GPC5: variants seen among roughly 807,000 people sequenced by gnomAD.
GPC5 encodes the protein glypican 5.
A neutral mutation model predicts 53.9 loss-of-function variants in GPC5; 47 were observed. The observed-to-expected ratio is 0.87, with a 90% confidence interval of 0.69 to 1.11. The LOEUF (loss-of-function observed/expected upper bound fraction) is 1.11. Among genes scored for constraint, GPC5 ranks in the 50% most tolerant of loss-of-function variants. GPC5 has a pLI of 0.00. For synonymous variants in GPC5, 286 were observed against 263.3 expected, an observed-to-expected ratio of 1.09 and a Z score of -0.84; for missense variants, 748 against 713.1, an observed-to-expected ratio of 1.05 and a Z score of -0.56.
intron 5 of GPC5, among the ~76,000 whole-genome samples, chr13:91,810,285 A>C (rs1229881114): frequency 3.3e-5 from 5 of 151,910 alleles, no homozygotes; most frequent in Admixed American, 6.6e-5. Flanking sequence ...TTCTTATTGG[A>C]TAATTATGTA....
At chr13:91,674,943 C>T (rs1215537039) in intron 2 of GPC5, among the ~76,000 whole-genome samples, 1 of 151,852 alleles carries the variant, frequency 6.6e-6, no homozygotes, top group East Asian at 1.9e-4. Context: ...CTTTTTAATG[C>T]AGAAAAATTT....
At chr13:92,237,770 T>C (rs2042580982) in intron 7 of GPC5, among the ~76,000 whole-genome samples, 1 of 152,126 alleles carries the variant, frequency 6.6e-6, no homozygotes, top group African/African-American at 2.4e-5. Context: ...CAATAAATTT[T>C]AGAACATTTT....
intron 2 of GPC5, among the ~76,000 whole-genome samples, chr13:91,660,811 C>T (rs2034970549): frequency 1.3e-5 from 2 of 152,132 alleles, no homozygotes; most frequent in Admixed American, 6.6e-5. Context: ...ACTACTCCTT[C>T]TTAAACCTTC....
chr13:92,380,760 G>A (rs2043732306), intron 7 of GPC5, among the ~76,000 whole-genome samples: 1 of 128,228 alleles, frequency 7.8e-6, no homozygotes, highest in Non-Finnish European at 1.6e-5. Context: ...GACTGTTGTG[G>A]GGTGGGGGGA....
At chr13:92,499,232 A>T (rs1880096503) in intron 7 of GPC5, among the ~76,000 whole-genome samples, 1 of 152,128 alleles carries the variant, frequency 6.6e-6, no homozygotes, top group Admixed American at 6.5e-5. Flanking sequence ...AAACAATAGG[A>T]AATCTGAGCT....
chr13:92,736,008 T>C (rs554141690), intron 7 of GPC5, among the ~76,000 whole-genome samples: 1 of 152,118 alleles, frequency 6.6e-6, no homozygotes, highest in Admixed American at 6.6e-5. Context: ...GGGAATTACA[T>C]AACATTATAC....
At chr13:92,404,798 G>A (rs1351812254) in intron 7 of GPC5, among the ~76,000 whole-genome samples, 1 of 149,678 alleles carries the variant, frequency 6.7e-6, no homozygotes, top group Non-Finnish European at 1.5e-5. Context: ...AACAGAAGGT[G>A]TTTAATAGGG....
intron 7 of GPC5, among the ~76,000 whole-genome samples, chr13:92,641,167 A>G (rs1253172283): frequency 6.6e-6 from 1 of 152,194 alleles, no homozygotes. Flanking sequence ...CTGACTAAAC[A>G]GTGGAGAATT....
At chr13:92,465,725 A>G (rs1878665231) in intron 7 of GPC5, among the ~76,000 whole-genome samples, 1 of 152,020 alleles carries the variant, frequency 6.6e-6, no homozygotes. Context: ...GCATTTGAAC[A>G]ACAGCTGAAT....
chr13:91,861,467 C>T (rs559474013), intron 5 of GPC5, among the ~76,000 whole-genome samples: 21 of 152,172 alleles, frequency 1.4e-4, no homozygotes, highest in Admixed American at 2.6e-4. Context: ...GAGATGCCCC[C>T]ATTTTCTCTG....
chr13:92,537,482 C>T (rs1230343409), intron 7 of GPC5, among the ~76,000 whole-genome samples: 2 of 152,128 alleles, frequency 1.3e-5, no homozygotes, highest in Non-Finnish European at 2.9e-5. Context: ...CAGAGCTAAA[C>T]ATATGCACAG....
At chr13:92,615,224 AGTT>A (rs1884641131) in intron 7 of GPC5, among the ~76,000 whole-genome samples, 1 of 152,152 alleles carries the variant, frequency 6.6e-6, no homozygotes, top group South Asian at 2.1e-4. Flanking sequence ...TTACCATAGC[AGTT>A]GTTCTTATGT....
In GPC5 at chr13:92,523,206, G is replaced by C. The variant is rs573353662; in HGVS notation, c.1562-343076G>C. The stretch of plus-strand genomic sequence containing the variant: ...CTCTTGTACTCAGATATTCACTATT[G>C]ACCTTCTGGAACTCGTGTGTTGCTA... On this transcript the variant is annotated intron_variant, in intron 7 of 7. Coordinates refer to ENST00000377067, the MANE Select transcript of GPC5 (RefSeq NM_004466.6). Among the ~76,000 whole-genome samples, 4 of 152,164 alleles carry C rather than the reference G, an allele frequency of 2.6e-5. No individual in the cohort carries two copies. In the East Asian group the frequency reaches 5.8e-4, roughly 22 times the overall value.
rs375294644 is a variant in GPC5 at position 91,964,797 on chromosome 13, G to A, written c.1401+56740G>A. On this transcript the variant is annotated intron_variant, in intron 6 of 7. Transcript: ENST00000377067. ...ACACATGCACATGTGTGTTTATTGC[G>A]GCACTATTCACAATAGCAAAGACTT... Among the ~76,000 whole-genome samples, 6 of 151,912 alleles carry A rather than the reference G, an allele frequency of 3.9e-5. No individual in the cohort carries two copies. The East Asian group carries it at 5.8e-4, about 15-fold the overall frequency.
intron 7 of GPC5, among the ~76,000 whole-genome samples, chr13:92,488,304 A>C (rs1879635159): frequency 6.6e-6 from 1 of 152,230 alleles, no homozygotes; most frequent in South Asian, 2.1e-4. Context: ...TTATCGAAAG[A>C]TTTAAATTTA....
chr13:92,193,303 C>A (rs2042236446), intron 7 of GPC5, among the ~76,000 whole-genome samples: 1 of 152,132 alleles, frequency 6.6e-6, no homozygotes. Flanking sequence ...ATAAAAAAAG[C>A]AGAGTTTACT....
At position 91,432,207 on chromosome 13, in the gene GPC5, GTGTGTGTGTGTGTGT is replaced by G. The variant is rs1163728582; in HGVS notation, c.164-16553_164-16539del. On this transcript the variant is annotated intron_variant, in intron 1 of 7. Coordinates refer to ENST00000377067, the MANE Select transcript of GPC5 (RefSeq NM_004466.6). The stretch of plus-strand genomic sequence containing the variant: ...CCACTGCTGCTGCTGCTGCTGCTGT[GTGTGTGTGTGTGTGT>G]GTGTGTGTGTGTGTGTGTGTGTGTG... Among the ~76,000 whole-genome samples, 7 of 121,628 alleles carry G rather than the reference GTGTGTGTGTGTGTGT, an allele frequency of 5.8e-5. No homozygotes were observed. In the South Asian group the frequency reaches 1.1e-3, roughly 19 times the overall value. The allele number at this position is 121,628 out of a possible 152,430, so 79.8% of individuals were successfully genotyped here.
intron 5 of GPC5, among the ~76,000 whole-genome samples, chr13:91,844,935 A>G (rs1363650504): frequency 6.6e-6 from 1 of 152,160 alleles, no homozygotes; most frequent in African/African-American, 2.4e-5. Flanking sequence ...TTAGAAAAAT[A>G]TCAAGTGTAA....
chr13:92,806,555 T>C (rs553384664), intron 7 of GPC5, among the ~76,000 whole-genome samples: 1 of 152,064 alleles, frequency 6.6e-6, no homozygotes, highest in African/African-American at 2.4e-5. Context: ...ATTTACAGCT[T>C]TTGATTTAAA....
Sources: allele counts gnomAD v4.1 joint callset (sites outside exome capture counted in the v4.1 genomes callset), GRCh38; gene constraint gnomAD v4.1.1; transcripts MANE v1.5; gene names NCBI Gene and HGNC (gene_info 2026-07-23, HGNC 2026-07-21).